The following FOXK2 variants were observed in gnomAD, a reference collection of about 807,000 sequenced individuals.
The protein encoded by FOXK2 is forkhead box K2.
Under a neutral mutation model 53.3 loss-of-function variants are expected in FOXK2, and 24 were observed. The observed-to-expected ratio is 0.45, with a 90% confidence interval of 0.33 to 0.63. The LOEUF (loss-of-function observed/expected upper bound fraction) is 0.63, where lower values mean the gene tolerates loss of function less well. FOXK2 is among the 30% of genes least tolerant of loss of function. The pLI is 0.03. For missense variants in FOXK2, 952 were observed against 910.5 expected, an observed-to-expected ratio of 1.05 and a Z score of -0.59; for synonymous variants, 505 against 407.1, an observed-to-expected ratio of 1.24 and a Z score of -2.89.
At chr17:82,544,420 G>A (rs897268069) in intron 1 of FOXK2, among the ~76,000 whole-genome samples, 2 of 152,038 alleles carry the variant, frequency 1.3e-5, no homozygotes, top group African/African-American at 4.8e-5. Flanking sequence ...CACTGTGCTG[G>A]TACAGTACAC....
Position 82,603,972 on chromosome 17 carries a change from T to C in FOXK2, c.*2473T>C, listed in dbSNP as rs1341650152. 1.3e-5 allele frequency: 2 copies of C among 152,238 alleles called. No individual in the cohort carries two copies. Among genetic ancestry groups the C allele is most frequent in the African/African-American group, 2.4e-5 (1 of 41,456 alleles). The allele number at this position is 152,238 out of a possible 1,614,324, so 9.4% of individuals were successfully genotyped here. ...ACTGTTTCTAAATTTTGAACTTAGC[T>C]CTGAATCCCCAAGAACTTGAGCACA... On this transcript the variant is annotated 3_prime_UTR_variant, in exon 9 of 9. Transcript: ENST00000335255.
At chr17:82,572,422 G>A (rs899116127) in intron 4 of FOXK2, among the ~76,000 whole-genome samples, 10 of 152,154 alleles carry the variant, frequency 6.6e-5, no homozygotes, top group Non-Finnish European at 8.8e-5. Context: ...GTGGAACCCC[G>A]GGGCTACCCC....
chr17:82,532,085 G>T (rs2044477169), intron 1 of FOXK2, among the ~76,000 whole-genome samples: 1 of 151,958 alleles, frequency 6.6e-6, no homozygotes, highest in South Asian at 2.1e-4. Context: ...CCTGAGCTCA[G>T]GTAAACACCT....
intron 1 of FOXK2, among the ~76,000 whole-genome samples, chr17:82,544,900 G>A (rs1191942399): frequency 6.6e-6 from 1 of 151,850 alleles, no homozygotes; most frequent in Non-Finnish European, 1.5e-5. Context: ...GCCCACCCAG[G>A]TCCCGGGGGC....
intron 3 of FOXK2, among the ~76,000 whole-genome samples, chr17:82,570,212 A>C (rs929317659): frequency 6.9e-6 from 1 of 145,438 alleles, no homozygotes; most frequent in Non-Finnish European, 1.5e-5. Flanking sequence ...ACAGAGCGAG[A>C]CTCTGTCTCA....
intron 1 of FOXK2, among the ~76,000 whole-genome samples, chr17:82,526,830 CAAA>C (rs140941748): frequency 1.2e-4 from 15 of 121,446 alleles, no homozygotes; most frequent in Non-Finnish European, 1.2e-4. Flanking sequence ...GACTCCGTCT[CAAA>C]AAAAAAAAAA....
chr17:82,587,346 G>C, intron 8 of FOXK2, 74 bp downstream of exon 8: 1 of 1,161,464 alleles, frequency 8.6e-7, no homozygotes. Context: ...TCGTGGTTTC[G>C]GTTCTGACTG....
chr17:82,584,380 T>C (rs756011846), intron 6 of FOXK2, among the ~76,000 whole-genome samples, 192 bp downstream of exon 6: 1 of 152,032 alleles, frequency 6.6e-6, no homozygotes, highest in Non-Finnish European at 1.5e-5. Context: ...GAAGGTTCTT[T>C]AAACGACACT....
At chr17:82,562,454 C>T (rs1362975464) in intron 1 of FOXK2, among the ~76,000 whole-genome samples, 1 of 152,066 alleles carries the variant, frequency 6.6e-6, no homozygotes, top group Non-Finnish European at 1.5e-5. Context: ...GTAGTGCATG[C>T]CTGTAATCCC....
chr17:82,585,273 T>A (rs1044378911), intron 6 of FOXK2: 4 of 152,092 alleles, frequency 2.6e-5, no homozygotes, highest in African/African-American at 9.7e-5. Flanking sequence ...TGATCCTAGG[T>A]GAGTGTGGCC....
intron 8 of FOXK2, among the ~76,000 whole-genome samples, chr17:82,597,304 G>A (rs1227739071): frequency 6.6e-6 from 1 of 152,218 alleles, no homozygotes; most frequent in Non-Finnish European, 1.5e-5. Flanking sequence ...GAGCACGTGT[G>A]GGCCTCATCA....
chr17:82,571,312 G>T (rs191584493), intron 3 of FOXK2, among the ~76,000 whole-genome samples: 1 of 152,214 alleles, frequency 6.6e-6, no homozygotes, highest in East Asian at 1.9e-4. Flanking sequence ...AGAAAAATGA[G>T]GTATCAGGCT....
intron 1 of FOXK2, among the ~76,000 whole-genome samples, chr17:82,545,362 A>G (rs1025797523): frequency 5.3e-5 from 8 of 152,024 alleles, no homozygotes; most frequent in African/African-American, 1.9e-4. Flanking sequence ...TTTGTAGGAG[A>G]CGGTGTTTGT....
At chr17:82,545,969 C>T (rs927836206) in intron 1 of FOXK2, among the ~76,000 whole-genome samples, 2 of 152,096 alleles carry the variant, frequency 1.3e-5, no homozygotes, top group African/African-American at 4.8e-5. Flanking sequence ...GTTCAGGGTG[C>T]CTCAGAGCTG....
intron 8 of FOXK2, among the ~76,000 whole-genome samples, chr17:82,591,405 C>G (rs2045251972): frequency 6.6e-6 from 1 of 152,158 alleles, no homozygotes; most frequent in African/African-American, 2.4e-5. Context: ...GTGTCCCCTG[C>G]TCTGCTCCAG....
intron 3 of FOXK2, among the ~76,000 whole-genome samples, chr17:82,570,498 A>G (rs1450549392): frequency 6.6e-6 from 1 of 152,130 alleles, no homozygotes; most frequent in Non-Finnish European, 1.5e-5. Flanking sequence ...GTCCCCAGAA[A>G]AGAAAAGACA....
chr17:82,601,814 C>G lies in FOXK2; in HGVS notation c.*315C>G. On this transcript the variant is annotated 3_prime_UTR_variant, in exon 9 of 9. Coordinates refer to ENST00000335255, the MANE Select transcript of FOXK2 (RefSeq NM_004514.4). ...TGTGTGAGGACGGCACGGCCAGCGCCTGCTGTGAGTGGGTCTCCCAAGACT... is the reference window on the plus strand; with the variant it reads ...TGTGTGAGGACGGCACGGCCAGCGCGTGCTGTGAGTGGGTCTCCCAAGACT... The G allele has an allele frequency of 7.6e-6, 2 of 263,250 alleles. No homozygotes were observed. The highest frequency in any genetic ancestry group is 1.5e-5 in the Non-Finnish European group (2 of 135,714). The allele number at this position is 263,250 out of a possible 1,614,324, so 16.3% of individuals were successfully genotyped here.
intron 7 of FOXK2, among the ~76,000 whole-genome samples, 170 bp from the exon 8 acceptor site, chr17:82,586,893 C>G (rs2045182629): frequency 6.6e-6 from 1 of 151,984 alleles, no homozygotes; most frequent in African/African-American, 2.4e-5. Flanking sequence ...GAGCGAAACT[C>G]CATCTCAAAA....
rs1328896930 is a variant in FOXK2, at chr17:82,602,900, A to G, written c.*1401A>G. ...ATCATAACATTATTTATTTAAATGT[A>G]GTTATTTTGGTATTTAATTTTTTTT... is the stretch of plus-strand genomic sequence containing the variant. On this transcript the variant is annotated 3_prime_UTR_variant, in exon 9 of 9. Coordinates refer to ENST00000335255, the MANE Select transcript of FOXK2 (RefSeq NM_004514.4). 6.6e-6 allele frequency: 1 copy of G among 152,478 alleles called. No individual in the cohort carries two copies. Among genetic ancestry groups the G allele is most frequent in the African/African-American group, 2.4e-5 (1 of 41,456 alleles). 9.4% of individuals were successfully genotyped at this position (152,478 alleles called of 1,614,324 possible). A position where few individuals can be genotyped will look rare whatever the true frequency, so the allele number is the denominator to read the frequency against.
Sources: gnomAD v4.1 joint callset for allele counts (sites outside exome capture counted in the v4.1 genomes callset) on GRCh38, gnomAD v4.1.1 for gene constraint, MANE v1.5 for transcripts, NCBI Gene and HGNC (gene_info 2026-07-23, HGNC 2026-07-21) for gene names.